UNC80: variants seen among roughly 807,000 people sequenced by gnomAD.
UNC80 encodes the protein protein unc-80 homolog.
UNC80 carries 164 observed loss-of-function variants against 384.6 expected under a neutral mutation model. That is an observed-to-expected ratio of 0.43 (90% CI 0.38 to 0.49). The LOEUF (loss-of-function observed/expected upper bound fraction) is 0.49. Ranked by LOEUF, UNC80 falls within the 20% of genes least tolerant of loss-of-function variation. The probability of loss-of-function intolerance (pLI) is 0.00; values close to 1 mark genes in which losing one functional copy is unlikely to be tolerated. For synonymous variants in UNC80, 1,486 were observed against 1,527.8 expected (o/e 0.97, Z 0.64); for missense variants, 3,330 against 4,143.0 (o/e 0.80, Z 5.39).
intron 22 of UNC80, among the ~76,000 whole-genome samples, chr2:209,866,551 G>A (rs2083843852): frequency 6.7e-6 from 1 of 149,084 alleles, no homozygotes; most frequent in African/African-American, 2.6e-5. Context: ...GAGAGAGAGA[G>A]AGAGAGAGAG....
intron 60 of UNC80, chr2:209,982,728 A>C (rs2125023495): frequency 6.6e-6 from 1 of 152,640 alleles, no homozygotes. Flanking sequence ...GTGACACTTA[A>C]CCAAGCAGAA....
At chr2:209,984,799 TC>T in intron 60 of UNC80, 56 bp from the exon 61 acceptor site, 1 of 1,466,472 alleles carries the variant, frequency 6.8e-7, no homozygotes, top group Non-Finnish European at 9.1e-7. Context: ...TTTTCTTTTT[TC>T]TTTTTTTTTT....
intron 29 of UNC80, among the ~76,000 whole-genome samples, chr2:209,909,628 C>A (rs1041165452): frequency 1.3e-5 from 2 of 152,138 alleles, no homozygotes; most frequent in African/African-American, 4.8e-5. Flanking sequence ...TTTGAGGGGG[C>A]CATCTCTTCC....
chr2:209,957,571 T>G, intron 48 of UNC80, 73 bp from the exon 49 acceptor site: 2 of 1,316,818 alleles, frequency 1.5e-6, no homozygotes, highest in Non-Finnish European at 2.1e-6. Flanking sequence ...TTCAGTAACT[T>G]GAGGATTTAA....
At chr2:209,945,292 A>T in intron 46 of UNC80, 103 bp downstream of exon 46, 1 of 1,176,928 alleles carries the variant, frequency 8.5e-7, no homozygotes, top group South Asian at 2.2e-5. Context: ...GTGTGTGTAT[A>T]TATAACTAAA....
Position 209,815,112 on chromosome 2 carries a change from G to T in UNC80, c.1201-145G>T. The T allele has an allele frequency of 4.4e-6, 3 of 689,460 alleles. No homozygotes were observed. The South Asian group carries it at 1.2e-4, about 27-fold the overall frequency. The allele number at this position is 689,460 out of a possible 1,614,324, so 42.7% of individuals were successfully genotyped here. On this transcript the variant is annotated intron_variant, in intron 8 of 64. Coordinates refer to ENST00000673920, the MANE Select transcript of UNC80 (RefSeq NM_001371986.1). ...TATATATTCTCACTAGCAGAATTTG[G>T]ATTCCAGAAGTCCAGACATACAAGT...
At chr2:209,919,214 G>GC (rs1187655136) in intron 33 of UNC80, among the ~76,000 whole-genome samples, 1 of 152,034 alleles carries the variant, frequency 6.6e-6, no homozygotes, top group Non-Finnish European at 1.5e-5. Context: ...ACAAGAATAT[G>GC]CACCTTTTGA....
chr2:209,784,245 C>T (rs1336207203), intron 4 of UNC80, among the ~76,000 whole-genome samples: 1 of 152,122 alleles, frequency 6.6e-6, no homozygotes, highest in Non-Finnish European at 1.5e-5. Context: ...ACAATAGCTT[C>T]CAAAATAGTC....
At chr2:209,955,731 A>G (rs2092383528) in intron 48 of UNC80, among the ~76,000 whole-genome samples, 2 of 89,810 alleles carry the variant, frequency 2.2e-5, no homozygotes, top group Non-Finnish European at 3.9e-5. Context: ...ATATATATAT[A>G]TATATATACA....
At chr2:209,893,474 A>T (rs542833752) in intron 26 of UNC80, among the ~76,000 whole-genome samples, 1 of 152,212 alleles carries the variant, frequency 6.6e-6, no homozygotes, top group Non-Finnish European at 1.5e-5. Context: ...ACTAAAGATG[A>T]ATAATGCATA....
At chr2:209,958,447 G>A (rs1007108201) in intron 49 of UNC80, among the ~76,000 whole-genome samples, 7 of 152,128 alleles carry the variant, frequency 4.6e-5, no homozygotes, top group Non-Finnish European at 1.0e-4. Context: ...TCTCTCTGAA[G>A]CCTATTTTTA....
chr2:209,909,800 C>G (rs2088700310), intron 29 of UNC80, among the ~76,000 whole-genome samples: 1 of 151,986 alleles, frequency 6.6e-6, no homozygotes, highest in Non-Finnish European at 1.5e-5. Flanking sequence ...TGTCATTGGT[C>G]CAAGTTCTAC....
At chr2:209,905,582 G>C (rs2124931880) in intron 29 of UNC80, among the ~76,000 whole-genome samples, 1 of 152,262 alleles carries the variant, frequency 6.6e-6, no homozygotes, top group East Asian at 1.9e-4. Flanking sequence ...TTAGATTTCT[G>C]ACCTCCAGAA....
Position 209,978,550 on chromosome 2 carries a change from T to C in UNC80, c.8960T>C (p.Ile2987Thr). Residue 2987 changes from isoleucine (I) to threonine (T), a missense_variant, in exon 59 of 65, where the codon ATC (isoleucine) becomes ACC (threonine). Physicochemically the swap from Ile to Thr is moderately conservative, Grantham distance 89 (BLOSUM62 -1). This residue lies in a region of UNC80 where 216 missense variants were observed against 245.3 expected (regional missense o/e 0.88). Transcript: ENST00000673920. ...SGSAYQGKTS[I>T]STVGTSTSAY... is the part of the protein sequence containing the mutation. ...CTAGCCTACCAAGGCAAGACATCCA[T>C]CAGTACCGTGGGCACCTCCACCTCT... is the stretch of plus-strand genomic sequence containing the variant. 1 of 1,549,846 alleles carries C rather than the reference T, an allele frequency of 6.5e-7. No homozygotes were observed. The highest frequency in any genetic ancestry group is 8.7e-7 in the Non-Finnish European group (1 of 1,145,654).
chr2:209,792,174 C>T (rs915629998), intron 6 of UNC80, among the ~76,000 whole-genome samples: 3 of 152,110 alleles, frequency 2.0e-5, no homozygotes, highest in African/African-American at 7.2e-5. Flanking sequence ...CATAGTGGCA[C>T]ATGCCTTTAG....
intron 51 of UNC80, among the ~76,000 whole-genome samples, chr2:209,962,235 G>C (rs1359374453): frequency 6.6e-6 from 1 of 152,028 alleles, no homozygotes; most frequent in African/African-American, 2.4e-5. Context: ...CTGGCTTCAG[G>C]AAAAAAGGTT....
chr2:209,785,354 A>C (rs1209920943), intron 4 of UNC80, among the ~76,000 whole-genome samples: 1 of 152,214 alleles, frequency 6.6e-6, no homozygotes, highest in East Asian at 1.9e-4. Context: ...TGCTCTTGAA[A>C]GATACTTTAA....
chr2:209,895,359 G>A (rs2086705501), intron 27 of UNC80, among the ~76,000 whole-genome samples: 1 of 152,184 alleles, frequency 6.6e-6, no homozygotes, highest in Non-Finnish European at 1.5e-5. Context: ...TATCGATCAA[G>A]TCTGCTGAAA....
intron 35 of UNC80, among the ~76,000 whole-genome samples, chr2:209,923,604 A>G (rs2090207374): frequency 6.6e-6 from 1 of 152,126 alleles, no homozygotes; most frequent in Non-Finnish European, 1.5e-5. Flanking sequence ...TGAAATCTTG[A>G]TATGCAGATA....
Sources: gnomAD v4.1 joint callset for allele counts (sites outside exome capture counted in the v4.1 genomes callset) on GRCh38, gnomAD v4.1.1 for gene constraint, gnomAD v4.1.1 regional missense constraint, MANE v1.5 for transcripts, NCBI Gene and HGNC (gene_info 2026-07-23, HGNC 2026-07-21) for gene names.